Variants in PTPN14 observed in about 807,000 individuals in gnomAD.
PTPN14 encodes protein tyrosine phosphatase non-receptor type 14, also known as tyrosine-protein phosphatase non-receptor type 14.
A neutral mutation model predicts 126.8 loss-of-function variants in PTPN14; 53 were observed. That is an observed-to-expected ratio of 0.42 (90% CI 0.34 to 0.53). The LOEUF (loss-of-function observed/expected upper bound fraction) is 0.53, where lower values mean the gene tolerates loss of function less well. Ranked by LOEUF, PTPN14 falls within the 20% of genes least tolerant of loss-of-function variation. The pLI is 0.08. For missense variants in PTPN14, 1,257 were observed against 1,552.9 expected (o/e 0.81, Z 3.20); for synonymous variants, 630 against 599.3 (o/e 1.05, Z -0.75).
rs776185401 is a variant in PTPN14, at chr1:214,464,635, G to C, written c.169C>G (p.Arg57Gly). 2 of 1,613,978 alleles carry C rather than the reference G, an allele frequency of 1.2e-6. No homozygotes were observed. Among genetic ancestry groups the C allele is most frequent in the South Asian group, 1.1e-5 (1 of 91,078 alleles). ...CACAGACACACCCCTCTTACCTCTC[G>C]CAGCTCCAGCCTCTGGGCCACAGCC... ...LEAVAQRLEL[R>G]ETHYFGLWFL... The change falls in exon 2 of 19, where the codon CGA becomes GGA. Residue 57 changes from arginine (R) to glycine (G), a missense_variant. Coordinates refer to ENST00000366956, the MANE Select transcript of PTPN14 (RefSeq NM_005401.5).
chr1:214,376,722 G>A (rs1420572622), intron 14 of PTPN14, among the ~76,000 whole-genome samples: 3 of 152,138 alleles, frequency 2.0e-5, no homozygotes, highest in Non-Finnish European at 4.4e-5. Flanking sequence ...AAGTCCTAAT[G>A]ATAAAGAGAC....
intron 1 of PTPN14, among the ~76,000 whole-genome samples, chr1:214,507,686 T>G (rs1654875406): frequency 1.3e-5 from 2 of 152,182 alleles, no homozygotes; most frequent in Admixed American, 1.3e-4. Flanking sequence ...ATTGTGGGTT[T>G]GGCTCCATAC....
chr1:214,532,377 G>GGGATGGAGGCA (rs1655574310), intron 1 of PTPN14: 2 of 622,174 alleles, frequency 3.2e-6, no homozygotes, highest in Admixed American at 4.6e-5. Flanking sequence ...CCTGGCCGCA[G>GGGATGGAGGCA]GGATGGCTGG....
In PTPN14 at chr1:214,513,807, A is replaced by T. The variant is rs77827880; in HGVS notation, c.-155+37376T>A. ...TCTATTTCATAGCGTTGTCATAAAG[A>T]TTAAATGAGATAATGTGTGCAAGGT... On this transcript the variant is annotated intron_variant, in intron 1 of 18. Coordinates refer to ENST00000366956, the MANE Select transcript of PTPN14 (RefSeq NM_005401.5). Among the ~76,000 whole-genome samples the T allele has an allele frequency of 6.6e-3, 1,002 of 152,322 alleles. 5 individuals carry two copies. The highest frequency in any genetic ancestry group is 0.011 in the Non-Finnish European group (732 of 68,022).
At chr1:214,477,321 T>C (rs1214164432) in intron 1 of PTPN14, among the ~76,000 whole-genome samples, 1 of 152,196 alleles carries the variant, frequency 6.6e-6, no homozygotes, top group Non-Finnish European at 1.5e-5. Context: ...TAAACAGACA[T>C]GGTCGTGCTG....
intron 2 of PTPN14, among the ~76,000 whole-genome samples, chr1:214,453,150 C>A (rs1447907365): frequency 6.6e-6 from 1 of 152,200 alleles, no homozygotes; most frequent in Non-Finnish European, 1.5e-5. Context: ...TTAGCTTTCT[C>A]CCATGATGTT....
rs370271307 is a variant in PTPN14, at chr1:214,533,705, C to T, written c.-155+17478G>A. ...ACAAAAAATTAGCCGGGCGTGGTGG[C>T]GGGCGCCTGTAGTCCCAAATAATCT... is the stretch of plus-strand genomic sequence containing the variant. On this transcript the variant is annotated intron_variant, in intron 1 of 18. Transcript: ENST00000366956. Among the ~76,000 whole-genome samples the T allele has an allele frequency of 7.2e-5, 11 of 151,858 alleles. No individual in the cohort carries two copies. The South Asian group carries it at 2.1e-3, about 29-fold the overall frequency.
chr1:214,459,749 A>G (rs998879988), intron 2 of PTPN14, among the ~76,000 whole-genome samples: 7 of 150,936 alleles, frequency 4.6e-5, no homozygotes, highest in African/African-American at 7.3e-5. Context: ...TTACAGGCGC[A>G]AGCCACCACG....
chr1:214,481,842 C>T (rs1660995475), intron 1 of PTPN14, among the ~76,000 whole-genome samples: 1 of 151,930 alleles, frequency 6.6e-6, no homozygotes, highest in African/African-American at 2.4e-5. Context: ...AAAAAATTAG[C>T]TGGGCATGGT....
chr1:214,502,978 T>C (rs1654744783), intron 1 of PTPN14, among the ~76,000 whole-genome samples: 1 of 152,144 alleles, frequency 6.6e-6, no homozygotes, highest in South Asian at 2.1e-4. Context: ...TGAAAATATA[T>C]ATTACCAGCC....
chr1:214,513,113 G>C (rs1655017309), intron 1 of PTPN14, among the ~76,000 whole-genome samples: 1 of 152,088 alleles, frequency 6.6e-6, no homozygotes, highest in Non-Finnish European at 1.5e-5. Flanking sequence ...GCTGAAAAAT[G>C]AAAAATGATC....
intron 1 of PTPN14, among the ~76,000 whole-genome samples, chr1:214,509,979 G>A (rs114977407): frequency 0.038 from 5,854 of 152,236 alleles, 172 homozygotes; most frequent in Middle Eastern, 0.12. Flanking sequence ...CACACACCGG[G>A]GCCTTTCAGG....
intron 3 of PTPN14, among the ~76,000 whole-genome samples, chr1:214,446,585 A>C (rs1209142226): frequency 6.6e-6 from 1 of 152,190 alleles, no homozygotes; most frequent in Non-Finnish European, 1.5e-5. Context: ...TCACTCTCAA[A>C]TTTTTGTTGT....
rs755608050 is a variant in PTPN14, at chr1:214,364,554, G to A, written c.3393C>T (p.Leu1131=). ...CSAGVGRTGV[L]ILSELMIYCL... ...AGTAGATCATCAGCTCAGAAAGAAT[G>A]AGCACGCCGGTCCTTCCCACCCCAG... Residue 1131 remains leucine, a synonymous_variant, in exon 18 of 19, where the codon CTC becomes CTT. Coordinates refer to ENST00000366956, the MANE Select transcript of PTPN14 (RefSeq NM_005401.5). The surrounding 1 kb of genome is among the most constrained non-coding windows in gnomAD (Gnocchi z 4.1). The A allele has an allele frequency of 7.9e-5, 128 of 1,613,928 alleles. No individual in the cohort carries two copies. Among genetic ancestry groups the A allele is most frequent in the Middle Eastern group, 1.6e-4 (1 of 6,084 alleles).
chr1:214,369,386 TCCAAC>T, intron 17 of PTPN14, 66 bp downstream of exon 17: 1 of 1,434,346 alleles, frequency 7.0e-7, no homozygotes, highest in Non-Finnish European at 9.8e-7. Flanking sequence ...CCATTTCATC[TCCAAC>T]AGATGAATTA....
chr1:214,482,206 CTT>C (rs61017156), intron 1 of PTPN14, among the ~76,000 whole-genome samples: 9 of 143,364 alleles, frequency 6.3e-5, no homozygotes, highest in African/African-American at 1.0e-4. Context: ...CCAGTAACAA[CTT>C]TTTTTTTTTT....
chr1:214,358,452 A>C (rs1191226127), intron 18 of PTPN14, among the ~76,000 whole-genome samples: 1 of 151,812 alleles, frequency 6.6e-6, no homozygotes, highest in Non-Finnish European at 1.5e-5. Flanking sequence ...TTTTGAATAC[A>C]GACTAGTCTG....
intron 3 of PTPN14, among the ~76,000 whole-genome samples, chr1:214,417,139 G>C (rs939107610): frequency 5.3e-5 from 8 of 152,056 alleles, no homozygotes; most frequent in Non-Finnish European, 4.4e-5. Flanking sequence ...CATATTCAAA[G>C]ACCTGGAAAT....
At chr1:214,406,990 A>T (rs973029748) in intron 5 of PTPN14, among the ~76,000 whole-genome samples, 1 of 152,174 alleles carries the variant, frequency 6.6e-6, no homozygotes, top group African/African-American at 2.4e-5. Context: ...ACACTCTAAA[A>T]TTCTAAGGTT....
Sources: allele counts gnomAD v4.1 joint callset (sites outside exome capture counted in the v4.1 genomes callset), GRCh38; gene constraint gnomAD v4.1.1; non-coding constraint Gnocchi (gnomAD v3.1); transcripts MANE v1.5; gene names NCBI Gene and HGNC (gene_info 2026-07-23, HGNC 2026-07-21).